Variants in MARCHF1 observed in about 807,000 individuals in gnomAD.
MARCHF1 encodes membrane associated ring-CH-type finger 1, also known as E3 ubiquitin-protein ligase MARCHF1.
In MARCHF1, 40 loss-of-function variants were observed where a neutral mutation model predicts 54.2. The ratio of observed to expected loss-of-function variants is 0.74; its 90% confidence interval spans 0.57 to 0.96. The LOEUF is 0.96. MARCHF1 is among the 40% of genes least tolerant of loss of function. The pLI, the probability that MARCHF1 is intolerant of heterozygous loss-of-function variation, is 0.00. For synonymous variants in MARCHF1, 236 were observed against 236.3 expected, an observed-to-expected ratio of 1.00 and a Z score of 0.01; for missense variants, 586 against 656.5, an observed-to-expected ratio of 0.89 and a Z score of 1.17.
rs1419547711 is a variant in MARCHF1, at chr4:163,527,978, C to T, written c.*770G>A. The T allele has an allele frequency of 6.6e-6, 1 of 152,426 alleles. No homozygotes were observed. Among genetic ancestry groups the T allele is most frequent in the African/African-American group, 2.4e-5 (1 of 41,400 alleles). 9.4% of individuals were successfully genotyped at this position (152,426 alleles called of 1,614,324 possible). A position where few individuals can be genotyped will look rare whatever the true frequency, so the allele number is the denominator to read the frequency against. ...TTGCATCTGTGGCCTGCATTTGTGG[C>T]TGTTGTGTTTCTATTGGACAGCACT... On this transcript the variant is annotated 3_prime_UTR_variant, in exon 10 of 10. Coordinates refer to ENST00000514618, the MANE Select transcript of MARCHF1 (RefSeq NM_001394959.1).
intron 1 of MARCHF1, among the ~76,000 whole-genome samples, chr4:164,145,890 T>A (rs1343188885): frequency 1.8e-5 from 2 of 108,586 alleles, no homozygotes; most frequent in African/African-American, 7.5e-5. Context: ...TTGTCCCTGT[T>A]TGCAGACGAC....
chr4:163,797,681 A>G (rs528781795), intron 4 of MARCHF1, among the ~76,000 whole-genome samples: 50 of 151,964 alleles, frequency 3.3e-4, no homozygotes, highest in African/African-American at 1.2e-3. Context: ...CTATTTTAAA[A>G]TTTCATTTAT....
intron 2 of MARCHF1, among the ~76,000 whole-genome samples, chr4:164,110,269 G>A (rs139390653): frequency 3.2e-3 from 487 of 151,578 alleles, no homozygotes; most frequent in Non-Finnish European, 5.6e-3. Flanking sequence ...TCATGTAAAT[G>A]GATAGAATTT....
chr4:163,727,541 G>A (rs565111976), intron 4 of MARCHF1, among the ~76,000 whole-genome samples: 2 of 152,062 alleles, frequency 1.3e-5, no homozygotes, highest in East Asian at 3.9e-4. Flanking sequence ...TCCTGACCTT[G>A]TGATCTGCCC....
At chr4:163,737,214 A>ATTTTTTTT (rs200485998) in intron 4 of MARCHF1, among the ~76,000 whole-genome samples, 1 of 43,590 alleles carries the variant, frequency 2.3e-5, no homozygotes, top group East Asian at 3.6e-4. Flanking sequence ...ATTTTTTTTA[A>ATTTTTTTT]TTTTTTTTTT....
At chr4:163,674,399 C>T (rs991149862) in intron 5 of MARCHF1, among the ~76,000 whole-genome samples, 1 of 152,132 alleles carries the variant, frequency 6.6e-6, no homozygotes, top group Non-Finnish European at 1.5e-5. Flanking sequence ...GCTGACCAAA[C>T]GGCAGCAGGC....
chr4:164,193,225 C>T (rs1027564242), intron 1 of MARCHF1, among the ~76,000 whole-genome samples: 1 of 151,800 alleles, frequency 6.6e-6, no homozygotes. Flanking sequence ...TCGGAAGATG[C>T]CAAAAAAGAA....
At chr4:164,009,027 G>A (rs1042409738) in intron 2 of MARCHF1, among the ~76,000 whole-genome samples, 1 of 151,832 alleles carries the variant, frequency 6.6e-6, no homozygotes, top group Non-Finnish European at 1.5e-5. Context: ...CATAAACACG[G>A]TGTTTGGAAA....
chr4:164,225,620 T>C (rs950554542), intron 1 of MARCHF1, among the ~76,000 whole-genome samples: 25 of 152,070 alleles, frequency 1.6e-4, no homozygotes, highest in Non-Finnish European at 1.2e-4. Flanking sequence ...GTTATTCACA[T>C]TCTTGTACTT....
In MARCHF1 at chr4:163,652,706, T is replaced by C. The variant is rs145301926; in HGVS notation, c.163-39313A>G. 2.6e-5 allele frequency among the ~76,000 whole-genome samples: 4 copies of C among 151,944 alleles called. No individual in the cohort carries two copies. In the East Asian group the frequency reaches 7.9e-4, roughly 30 times the overall value. ...ATATACCTTTTATTTCTTCTAAGTG[T>C]TCCATAAAAGTTTAGAGACGTTTTA... is the stretch of plus-strand genomic sequence containing the variant. On this transcript the variant is annotated intron_variant, in intron 5 of 9. Transcript: ENST00000514618.
intron 3 of MARCHF1, among the ~76,000 whole-genome samples, chr4:163,953,094 C>T (rs1752165518): frequency 6.6e-6 from 1 of 152,110 alleles, no homozygotes; most frequent in Non-Finnish European, 1.5e-5. Context: ...GCTTTACACC[C>T]CTATATGTGG....
intron 2 of MARCHF1, among the ~76,000 whole-genome samples, chr4:164,079,384 G>C (rs1208913694): frequency 6.6e-6 from 1 of 152,128 alleles, no homozygotes; most frequent in Non-Finnish European, 1.5e-5. Flanking sequence ...CAATAAGTAA[G>C]TTTCTTTAAC....
intron 1 of MARCHF1, among the ~76,000 whole-genome samples, chr4:164,140,701 C>A (rs981294349): frequency 6.6e-6 from 1 of 152,082 alleles, no homozygotes; most frequent in African/African-American, 2.4e-5. Context: ...CCTTTCTGTG[C>A]AGCAAGCAGC....
intron 1 of MARCHF1, among the ~76,000 whole-genome samples, chr4:164,171,538 A>C (rs528402377): frequency 2.0e-5 from 3 of 152,300 alleles, no homozygotes; most frequent in Admixed American, 1.3e-4. Context: ...ATAATAGTTA[A>C]AACTTTTAAA....
chr4:163,542,454 C>G (rs145650409), intron 9 of MARCHF1, among the ~76,000 whole-genome samples: 3 of 152,312 alleles, frequency 2.0e-5, no homozygotes, highest in Admixed American at 6.5e-5. Context: ...GTGAGTTTCA[C>G]AGTCAGGCAC....
chr4:163,532,559 A>G (rs914371454), intron 9 of MARCHF1, among the ~76,000 whole-genome samples: 3 of 151,952 alleles, frequency 2.0e-5, no homozygotes, highest in Non-Finnish European at 4.4e-5. Flanking sequence ...TATTAAAACT[A>G]AAACCTTTTG....
At chr4:164,189,768 T>G (rs1731074880) in intron 1 of MARCHF1, 1 of 1,376,170 alleles carries the variant, frequency 7.3e-7, no homozygotes, top group Non-Finnish European at 1.0e-6. Flanking sequence ...AATCAAGGTC[T>G]ATGAGGATGA....
At chr4:164,230,770 C>T (rs111482068) in intron 1 of MARCHF1, among the ~76,000 whole-genome samples, 191 of 152,194 alleles carry the variant, frequency 1.3e-3, no homozygotes, top group African/African-American at 4.4e-3. Context: ...TTACTAAATT[C>T]AGAAGGAATT....
intron 1 of MARCHF1, chr4:164,383,538 G>T (rs1731438196): frequency 6.6e-6 from 1 of 152,352 alleles, no homozygotes; most frequent in Non-Finnish European, 1.5e-5. Flanking sequence ...CCGCGCACTG[G>T]GGATCCGCCA....
Sources: allele counts gnomAD v4.1 joint callset (sites outside exome capture counted in the v4.1 genomes callset), GRCh38; gene constraint gnomAD v4.1.1; transcripts MANE v1.5; gene names NCBI Gene and HGNC (gene_info 2026-07-23, HGNC 2026-07-21).